Variants in GINS1 observed in about 807,000 individuals in gnomAD.
GINS1 encodes the protein DNA replication complex GINS protein PSF1.
A neutral mutation model predicts 34.9 loss-of-function variants in GINS1; 26 were observed. The observed-to-expected ratio is 0.74, with a 90% CI of 0.55 to 1.03. GINS1 has a LOEUF of 1.03. Among genes scored for constraint, GINS1 ranks in the 50% least tolerant of loss-of-function variants. The pLI is 0.00. For synonymous variants in GINS1, 97 were observed against 84.4 expected, an observed-to-expected ratio of 1.15 and a Z score of -0.82; for missense variants, 235 against 237.9, an observed-to-expected ratio of 0.99 and a Z score of 0.08.
intron 5 of GINS1, among the ~76,000 whole-genome samples, chr20:25,439,138 G>A (rs2090469292): frequency 6.6e-6 from 1 of 152,122 alleles, no homozygotes; most frequent in Non-Finnish European, 1.5e-5. Flanking sequence ...GTAGATAATG[G>A]AGATCTTTAT....
intron 1 of GINS1, 174 bp from the exon 2 acceptor site, chr20:25,413,616 T>C: frequency 8.5e-6 from 5 of 587,374 alleles, no homozygotes; most frequent in Non-Finnish European, 1.5e-5. Flanking sequence ...GTACGAGGGT[T>C]CCAGTTTCTC....
chr20:25,410,827 T>A (rs941397674), intron 1 of GINS1, among the ~76,000 whole-genome samples: 5 of 152,048 alleles, frequency 3.3e-5, no homozygotes, highest in Admixed American at 6.6e-5. Flanking sequence ...CCTCCCAAAG[T>A]GCTGGGATTA....
intron 2 of GINS1, among the ~76,000 whole-genome samples, chr20:25,415,522 C>T (rs763480238): frequency 1.3e-5 from 2 of 151,860 alleles, no homozygotes; most frequent in Non-Finnish European, 2.9e-5. Flanking sequence ...ACCCTGTCTA[C>T]GAAAAATACA....
intron 1 of GINS1, chr20:25,411,396 T>C (rs1212398190): frequency 6.6e-6 from 1 of 152,248 alleles, no homozygotes; most frequent in Admixed American, 6.5e-5. Flanking sequence ...GCCATTTGTA[T>C]ATGCCACAGC....
At chr20:25,421,946 A>G (rs191677994) in intron 4 of GINS1, among the ~76,000 whole-genome samples, 121 of 151,788 alleles carry the variant, frequency 8.0e-4, no homozygotes, top group Admixed American at 2.3e-3. Context: ...ACTTTTCTTC[A>G]TACTTATCAA....
chr20:25,416,727 G>A (rs749795080), intron 2 of GINS1, among the ~76,000 whole-genome samples: 35 of 152,156 alleles, frequency 2.3e-4, no homozygotes, highest in Non-Finnish European at 3.5e-4. Flanking sequence ...GTAGAATAGC[G>A]ACATGACGTA....
chr20:25,426,706 G>A (rs1238395337), intron 5 of GINS1, among the ~76,000 whole-genome samples: 2 of 151,596 alleles, frequency 1.3e-5, no homozygotes, highest in African/African-American at 4.8e-5. Context: ...TGTATCTTTA[G>A]TAGAGACTGG....
chr20:25,435,015 C>T (rs990228649), intron 5 of GINS1, among the ~76,000 whole-genome samples: 1 of 152,184 alleles, frequency 6.6e-6, no homozygotes, highest in African/African-American at 2.4e-5. Context: ...CCTCACCTCC[C>T]AACACTGTTG....
intron 5 of GINS1, among the ~76,000 whole-genome samples, chr20:25,441,001 C>T (rs993627597): frequency 9.9e-5 from 15 of 152,066 alleles, no homozygotes; most frequent in Admixed American, 6.6e-5. Flanking sequence ...CGTTGACTCT[C>T]CTGGCAACAA....
At chr20:25,410,599 G>A (rs1328699523) in intron 1 of GINS1, among the ~76,000 whole-genome samples, 1 of 152,000 alleles carries the variant, frequency 6.6e-6, no homozygotes, top group Non-Finnish European at 1.5e-5. Context: ...TTTCGCTCCT[G>A]TGGCCCAGGC....
Position 25,418,012 on chromosome 20 carries a change from T to C in GINS1, c.240-93T>C. The C allele has an allele frequency of 3.9e-6, 3 of 779,084 alleles. No homozygotes were observed. In the East Asian group the frequency reaches 7.3e-5, roughly 19 times the overall value. 48.3% of individuals were successfully genotyped at this position (779,084 alleles called of 1,614,324 possible). A position where few individuals can be genotyped will look rare whatever the true frequency, so the allele number is the denominator to read the frequency against. ...TCTTGTTTTCCCTAAGATGTCTGTT[T>C]AGAGCTGGTGTGTTTGCATCAGGGG... is the stretch of plus-strand genomic sequence containing the variant. On this transcript the variant is annotated intron_variant, in intron 3 of 6. Coordinates refer to ENST00000262460, the MANE Select transcript of GINS1 (RefSeq NM_021067.5).
At chr20:25,415,399 TC>T (rs1203118422) in intron 2 of GINS1, among the ~76,000 whole-genome samples, 3 of 152,166 alleles carry the variant, frequency 2.0e-5, no homozygotes, top group Non-Finnish European at 2.9e-5. Flanking sequence ...AAGATGGCTT[TC>T]CCGGGCTGGG....
intron 5 of GINS1, among the ~76,000 whole-genome samples, chr20:25,438,500 C>G (rs995871133): frequency 6.3e-5 from 9 of 143,264 alleles, no homozygotes; most frequent in Non-Finnish European, 1.1e-4. Context: ...ATAATGACAC[C>G]AAAGAACAAC....
chr20:25,429,196 G>T (rs971149807), intron 5 of GINS1, among the ~76,000 whole-genome samples: 25 of 151,706 alleles, frequency 1.6e-4, no homozygotes, highest in Admixed American at 1.6e-3. Context: ...CACCATGTTG[G>T]CTAGGCTGGT....
chr20:25,410,864 AAC>A (rs1245042540), intron 1 of GINS1, among the ~76,000 whole-genome samples: 2 of 152,080 alleles, frequency 1.3e-5, no homozygotes, highest in East Asian at 1.9e-4. Context: ...TGCCCGGCCC[AAC>A]ACACAGGCTT....
At chr20:25,426,353 C>T (rs1019020692) in intron 5 of GINS1, among the ~76,000 whole-genome samples, 7 of 151,598 alleles carry the variant, frequency 4.6e-5, no homozygotes, top group South Asian at 2.1e-4. Context: ...CACCTGAGGT[C>T]GGGAGTTCAA....
At chr20:25,423,079 G>A (rs954120169) in intron 4 of GINS1, among the ~76,000 whole-genome samples, 1 of 150,934 alleles carries the variant, frequency 6.6e-6, no homozygotes, top group Non-Finnish European at 1.5e-5. Context: ...ACCTGGCCGA[G>A]CTTATTCCTT....
At chr20:25,435,641 C>G (rs1220762344) in intron 5 of GINS1, among the ~76,000 whole-genome samples, 2 of 151,598 alleles carry the variant, frequency 1.3e-5, no homozygotes, top group African/African-American at 4.8e-5. Context: ...GCCTGTAATC[C>G]TAGCTACTCG....
intron 5 of GINS1, among the ~76,000 whole-genome samples, chr20:25,431,956 T>C (rs2090429366): frequency 6.6e-6 from 1 of 151,064 alleles, no homozygotes; most frequent in African/African-American, 2.4e-5. Flanking sequence ...CAACCTCCAT[T>C]TCCCGGGTTC....
Sources: allele counts gnomAD v4.1 joint callset (sites outside exome capture counted in the v4.1 genomes callset), GRCh38; gene constraint gnomAD v4.1.1; transcripts MANE v1.5; gene names NCBI Gene and HGNC (gene_info 2026-07-23, HGNC 2026-07-21).